TNFSF4: variants seen among roughly 807,000 people sequenced by gnomAD.
The protein encoded by TNFSF4 is tumor necrosis factor ligand superfamily member 4.
In TNFSF4, 4 loss-of-function variants were observed where a neutral mutation model predicts 7.3. The ratio of observed to expected loss-of-function variants is 0.55; its 90% CI spans 0.27 to 1.25. TNFSF4 has a LOEUF of 1.25. TNFSF4 is among the 50% of genes most tolerant of loss of function. The pLI is 0.12. For synonymous variants in TNFSF4, 76 were observed against 83.7 expected (o/e 0.91, Z 0.50); for missense variants, 181 against 208.8 (o/e 0.87, Z 0.82).
chr1:173,385,287 T>G, the TNFSF4 span, among the ~76,000 whole-genome samples: 1 of 152,230 alleles, frequency 6.6e-6, no homozygotes, highest in African/African-American at 2.4e-5. Context: ...GGTGAATTGT[T>G]TTCATAACAA....
chr1:173,340,979 C>T, the TNFSF4 span, among the ~76,000 whole-genome samples: 4 of 152,154 alleles, frequency 2.6e-5, no homozygotes, highest in Non-Finnish European at 5.9e-5. Flanking sequence ...TACCTCCATA[C>T]TGTTCTCGTG....
chr1:173,405,269 A>T, the TNFSF4 span, among the ~76,000 whole-genome samples: 1 of 152,220 alleles, frequency 6.6e-6, no homozygotes, highest in African/African-American at 2.4e-5. Flanking sequence ...AGCCACACTA[A>T]CACACAAAAT....
chr1:173,256,348 T>A, the TNFSF4 span, among the ~76,000 whole-genome samples: 1 of 152,114 alleles, frequency 6.6e-6, no homozygotes, highest in Non-Finnish European at 1.5e-5. Context: ...AGGGCCCTCT[T>A]CCTGGCCTGC....
chr1:173,402,939 A>G, the TNFSF4 span, among the ~76,000 whole-genome samples: 1 of 151,912 alleles, frequency 6.6e-6, no homozygotes, highest in Non-Finnish European at 1.5e-5. Context: ...CACAGCCTCA[A>G]CCTCCCAGGC....
chr1:173,212,822 A>G, the TNFSF4 span, among the ~76,000 whole-genome samples: 6 of 152,142 alleles, frequency 3.9e-5, no homozygotes, highest in South Asian at 1.2e-3. Flanking sequence ...CCTACTATGT[A>G]TTCACAATTT....
chr1:173,178,228 C>CTAA, the TNFSF4 span, among the ~76,000 whole-genome samples: 1 of 152,258 alleles, frequency 6.6e-6, no homozygotes, highest in African/African-American at 2.4e-5. Flanking sequence ...AGCTCTTTTT[C>CTAA]TAATAGATCC....
At chr1:173,376,935 C>T in the TNFSF4 span, among the ~76,000 whole-genome samples, 7 of 152,182 alleles carry the variant, frequency 4.6e-5, no homozygotes, top group African/African-American at 7.2e-5. Context: ...CAAACAACTC[C>T]GGACGCACCA....
chr1:173,305,666 G>A, the TNFSF4 span, among the ~76,000 whole-genome samples: 9 of 151,048 alleles, frequency 6.0e-5, no homozygotes, highest in Non-Finnish European at 5.9e-5. Flanking sequence ...CTGCTATAAA[G>A]ATATTACCCG....
the TNFSF4 span, among the ~76,000 whole-genome samples, chr1:173,282,618 C>G: frequency 5.9e-5 from 9 of 151,746 alleles, no homozygotes; most frequent in African/African-American, 2.2e-4. Context: ...GCCACCATGC[C>G]CAGCTAATTT....
the TNFSF4 span, among the ~76,000 whole-genome samples, chr1:173,230,204 G>C: frequency 6.6e-6 from 1 of 152,154 alleles, no homozygotes; most frequent in Non-Finnish European, 1.5e-5. Context: ...CTCAGCAAAT[G>C]TAAAAGAACA....
the TNFSF4 span, among the ~76,000 whole-genome samples, chr1:173,435,260 G>A: frequency 3.9e-5 from 6 of 152,186 alleles, 1 homozygote; most frequent in South Asian, 4.1e-4. Flanking sequence ...AGCTGGAAAA[G>A]AACAAAAGGA....
At chr1:173,200,182 G>C (rs557172964) in intron 1 of TNFSF4, among the ~76,000 whole-genome samples, 1 of 152,258 alleles carries the variant, frequency 6.6e-6, no homozygotes, top group East Asian at 1.9e-4. Flanking sequence ...GCTCAGACTC[G>C]TGGCCTCGTG....
At chr1:173,175,855 T>A in the TNFSF4 span, among the ~76,000 whole-genome samples, 1 of 152,118 alleles carries the variant, frequency 6.6e-6, no homozygotes, top group Non-Finnish European at 1.5e-5. Flanking sequence ...AGAAAGACTT[T>A]TGTTGGCGCA....
the TNFSF4 span, among the ~76,000 whole-genome samples, chr1:173,322,976 C>T: frequency 6.6e-6 from 1 of 152,198 alleles, no homozygotes; most frequent in East Asian, 1.9e-4. Flanking sequence ...CACAGCCAAA[C>T]AACAGGCAGC....
At chr1:173,179,317 C>T (rs1246223332), downstream of TNFSF4, among the ~76,000 whole-genome samples, 6 of 152,190 alleles carry the variant, frequency 3.9e-5, no homozygotes, top group Admixed American at 1.3e-4. Flanking sequence ...AGTTGCACAG[C>T]ACCTGGCACT....
At chr1:173,242,329 C>G in the TNFSF4 span, among the ~76,000 whole-genome samples, 7 of 152,130 alleles carry the variant, frequency 4.6e-5, no homozygotes, top group Non-Finnish European at 8.8e-5. Flanking sequence ...GGCCCCGAAC[C>G]ATTCAGCTAT....
the TNFSF4 span, among the ~76,000 whole-genome samples, chr1:173,398,309 A>G: frequency 6.6e-6 from 1 of 151,762 alleles, no homozygotes; most frequent in African/African-American, 2.4e-5. Context: ...CAAAAAGTAG[A>G]TTCTACTCTA....
the TNFSF4 span, among the ~76,000 whole-genome samples, chr1:173,309,585 T>G: frequency 1.3e-5 from 2 of 151,944 alleles, no homozygotes; most frequent in African/African-American, 4.8e-5. Context: ...GAATTTTGCC[T>G]GCTGATTTTT....
At chr1:173,333,550 T>A in the TNFSF4 span, among the ~76,000 whole-genome samples, 2 of 151,998 alleles carry the variant, frequency 1.3e-5, no homozygotes, top group African/African-American at 4.8e-5. Context: ...GGGGCCCCCG[T>A]GATGGGAATA....
Sources: allele counts gnomAD v4.1 joint callset (sites outside exome capture counted in the v4.1 genomes callset), GRCh38; gene constraint gnomAD v4.1.1; transcripts MANE v1.5; gene names NCBI Gene and HGNC (gene_info 2026-07-23, HGNC 2026-07-21).